Variants in SLCO6A1 observed in about 807,000 individuals in gnomAD.
The protein encoded by SLCO6A1 is solute carrier organic anion transporter family member 6A1.
In SLCO6A1, 65 loss-of-function variants were observed where a neutral mutation model predicts 72.7. The observed-to-expected ratio is 0.89, with a 90% CI of 0.73 to 1.10. The LOEUF is 1.10. SLCO6A1 is among the 50% of genes least tolerant of loss of function. The pLI, the probability that SLCO6A1 is intolerant of heterozygous loss-of-function variation, is 0.00. For missense variants in SLCO6A1, 874 were observed against 872.6 expected (o/e 1.00, Z -0.02); for synonymous variants, 314 against 298.2 (o/e 1.05, Z -0.55).
chr5:102,394,775 C>A (rs1746969718), intron 10 of SLCO6A1, among the ~76,000 whole-genome samples: 2 of 151,732 alleles, frequency 1.3e-5, no homozygotes, highest in African/African-American at 4.8e-5. Context: ...TAGAGATATA[C>A]ATTTATAGTT....
Position 102,399,557 on chromosome 5 carries a change from C to T in SLCO6A1, c.1812G>A (p.Thr604=), listed in dbSNP as rs200611503. 1.9e-4 allele frequency: 289 copies of T among 1,529,682 alleles called. 1 individual carries two copies. The South Asian group carries it at 3.4e-3, about 18-fold the overall frequency. The allele number at this position is 1,529,682 out of a possible 1,614,324, so 94.8% of individuals were successfully genotyped here. ...FSGVPIVLAM[T]RVVPDKLRSL... is the part of the protein sequence containing the mutation. Reference sequence around the variant, plus strand: ...AATAATGAGTAATATATACATACCGCGTCATGGCCAAGACGATTGGTACAC... The same window carrying T: ...AATAATGAGTAATATATACATACCGTGTCATGGCCAAGACGATTGGTACAC... The change falls in exon 10 of 14, where the codon ACG becomes ACA. Residue 604 remains threonine, a splice_region_variant and synonymous_variant. Coordinates refer to ENST00000506729, the MANE Select transcript of SLCO6A1 (RefSeq NM_173488.5).
chr5:102,458,557 A>T (rs1750863689), intron 5 of SLCO6A1, 66 bp from the exon 6 acceptor site: 2 of 1,012,674 alleles, frequency 2.0e-6, no homozygotes, highest in South Asian at 3.0e-5. Context: ...CATAAAACCT[A>T]CATACACACC....
chr5:102,398,736 G>C (rs1270198910), intron 10 of SLCO6A1, among the ~76,000 whole-genome samples: 1 of 152,054 alleles, frequency 6.6e-6, no homozygotes, highest in African/African-American at 2.4e-5. Context: ...ATGCTATCCT[G>C]TCATAGCAGA....
At chr5:102,424,330 G>A (rs915045735) in intron 7 of SLCO6A1, among the ~76,000 whole-genome samples, 5 of 151,992 alleles carry the variant, frequency 3.3e-5, no homozygotes, top group Non-Finnish European at 7.4e-5. Context: ...AATGAATCAA[G>A]GAGCTAGTTT....
At chr5:102,453,295 G>A (rs887049561) in intron 6 of SLCO6A1, among the ~76,000 whole-genome samples, 2 of 151,102 alleles carry the variant, frequency 1.3e-5, no homozygotes, top group Non-Finnish European at 2.9e-5. Context: ...CCATGATCAT[G>A]CTGCTGTGTT....
intron 1 of SLCO6A1, among the ~76,000 whole-genome samples, chr5:102,490,429 A>G (rs990246779): frequency 5.9e-5 from 9 of 152,242 alleles, no homozygotes; most frequent in Non-Finnish European, 7.3e-5. Context: ...AAAGACATGT[A>G]TTAGTCCATT....
chr5:102,466,261 G>C (rs181850895), intron 4 of SLCO6A1, among the ~76,000 whole-genome samples: 36 of 152,036 alleles, frequency 2.4e-4, no homozygotes, highest in Non-Finnish European at 4.3e-4. Flanking sequence ...CCATTTATAA[G>C]AGAAAATATA....
chr5:102,373,418 G>T lies in SLCO6A1; in HGVS notation c.2094C>A (p.Asn698Lys). ...TCACAGTTACATCTGGGAAGTCAGT[G>T]TTCTCATTTAGACGACGTTTGTATA... ...FFIYKRRLNE[N>K]TDFPDVTVKN... The change falls in exon 13 of 14, where the codon AAC (asparagine) becomes AAA (lysine). Residue 698 changes from asparagine to lysine, a missense_variant. Asn to Lys is a moderately conservative substitution (Grantham distance 94). Transcript: ENST00000506729. 1 of 1,581,978 alleles carries T rather than the reference G, an allele frequency of 6.3e-7. No individual in the cohort carries two copies. Among genetic ancestry groups the T allele is most frequent in the Non-Finnish European group, 8.6e-7 (1 of 1,166,816 alleles).
chr5:102,471,282 C>G (rs1751596962), intron 4 of SLCO6A1, among the ~76,000 whole-genome samples: 1 of 151,986 alleles, frequency 6.6e-6, no homozygotes, highest in African/African-American at 2.4e-5. Context: ...CAGTCTTGCT[C>G]TAAGTCTCTA....
intron 9 of SLCO6A1, among the ~76,000 whole-genome samples, chr5:102,403,139 T>G (rs932968871): frequency 2.0e-5 from 3 of 152,212 alleles, no homozygotes; most frequent in African/African-American, 7.2e-5. Flanking sequence ...GTGTGGAATA[T>G]GATATACAAT....
At chr5:102,490,045 T>C (rs1044654970) in intron 1 of SLCO6A1, among the ~76,000 whole-genome samples, 2 of 152,182 alleles carry the variant, frequency 1.3e-5, no homozygotes, top group Non-Finnish European at 2.9e-5. Context: ...AGGTTGATCT[T>C]ACAGAAGTAA....
chr5:102,467,410 TA>T (rs879713631), intron 4 of SLCO6A1, among the ~76,000 whole-genome samples: 1,579 of 150,238 alleles, frequency 0.011, 18 homozygotes, highest in Non-Finnish European at 0.015. Context: ...AGAATCTCTT[TA>T]AAAAAAAAAA....
chr5:102,399,999 T>C (rs1747314154), intron 9 of SLCO6A1, among the ~76,000 whole-genome samples: 1 of 151,830 alleles, frequency 6.6e-6, no homozygotes, highest in South Asian at 2.1e-4. Context: ...GCTCTGTTAA[T>C]TTAAGAAATT....
At chr5:102,437,537 T>G (rs1356606072) in intron 7 of SLCO6A1, among the ~76,000 whole-genome samples, 3 of 152,146 alleles carry the variant, frequency 2.0e-5, no homozygotes, top group Non-Finnish European at 4.4e-5. Flanking sequence ...CTCCTCACAT[T>G]CTGCTGATTT....
At position 102,413,053 on chromosome 5, in the gene SLCO6A1, A is replaced by G. The variant is rs1178084481; in HGVS notation, c.1563T>C (p.Asp521=). ...CAAAGCAGGGAGAAAAATATTCAAT[A>G]TCATCTCTTCCACATATAGAAGAAT... is the stretch of plus-strand genomic sequence containing the variant. ...SIYSSICGRD[D]IEYFSPCFAG... Residue 521 remains aspartate (D), a synonymous_variant, in exon 9 of 14, where the codon GAT becomes GAC. Coordinates refer to ENST00000506729, the MANE Select transcript of SLCO6A1 (RefSeq NM_173488.5). 2 of 1,571,942 alleles carry G rather than the reference A, an allele frequency of 1.3e-6. No individual in the cohort carries two copies. Among genetic ancestry groups the G allele is most frequent in the Admixed American group, 1.9e-5 (1 of 52,910 alleles).
chr5:102,405,666 A>G (rs538914556), intron 9 of SLCO6A1, among the ~76,000 whole-genome samples: 2 of 152,218 alleles, frequency 1.3e-5, no homozygotes, highest in South Asian at 4.1e-4. Context: ...CTCCTTTACA[A>G]GAAATGCCAA....
At chr5:102,391,143 A>C in intron 10 of SLCO6A1, 98 bp from the exon 11 acceptor site, 1 of 1,173,130 alleles carries the variant, frequency 8.5e-7, no homozygotes, top group Non-Finnish European at 1.3e-6. Context: ...TTTCTGGTGC[A>C]TCAATTGTAC....
At chr5:102,461,093 T>C (rs1280920604) in intron 4 of SLCO6A1, among the ~76,000 whole-genome samples, 5 of 151,422 alleles carry the variant, frequency 3.3e-5, no homozygotes, top group Non-Finnish European at 7.4e-5. Flanking sequence ...TTATATTACA[T>C]GTGATTATTA....
At chr5:102,473,737 T>A (rs1009249073) in intron 4 of SLCO6A1, among the ~76,000 whole-genome samples, 1 of 152,020 alleles carries the variant, frequency 6.6e-6, no homozygotes, top group Non-Finnish European at 1.5e-5. Context: ...CATACTTGCA[T>A]ACACATAACA....
Sources: allele counts gnomAD v4.1 joint callset (sites outside exome capture counted in the v4.1 genomes callset), GRCh38; gene constraint gnomAD v4.1.1; transcripts MANE v1.5; gene names NCBI Gene and HGNC (gene_info 2026-07-23, HGNC 2026-07-21).